The following OTUD7A variants were observed in gnomAD, a reference collection of about 807,000 sequenced individuals.
OTUD7A encodes OTU domain-containing protein 7A.
Under a neutral mutation model 65.7 loss-of-function variants are expected in OTUD7A, and 12 were observed. That is an observed-to-expected ratio of 0.18 (90% CI 0.12 to 0.30). The LOEUF (loss-of-function observed/expected upper bound fraction) is 0.30. Among genes scored for constraint, OTUD7A ranks in the 10% least tolerant of loss-of-function variants. The pLI, the probability that OTUD7A is intolerant of heterozygous loss-of-function variation, is 1.00. For missense variants in OTUD7A, 1,148 were observed against 1,304.8 expected, an observed-to-expected ratio of 0.88 and a Z score of 1.85; for synonymous variants, 641 against 586.3, an observed-to-expected ratio of 1.09 and a Z score of -1.35.
At chr15:31,844,668 A>T (rs1897258068) in intron 1 of OTUD7A, among the ~76,000 whole-genome samples, 1 of 152,298 alleles carries the variant, frequency 6.6e-6, no homozygotes, top group Non-Finnish European at 1.5e-5. Context: ...ATAGCCAGTA[A>T]CGTGTCCCTC....
chr15:31,549,135 C>CA (rs568463366), intron 5 of OTUD7A, among the ~76,000 whole-genome samples: 2,915 of 64,656 alleles, frequency 0.045, 78 homozygotes, highest in Non-Finnish European at 0.054. Flanking sequence ...GGCCTTGTCT[C>CA]AAAAAAAAAA....
intron 1 of OTUD7A, among the ~76,000 whole-genome samples, chr15:31,751,460 A>C (rs1259930158): frequency 6.6e-6 from 1 of 152,190 alleles, no homozygotes; most frequent in African/African-American, 2.4e-5. Context: ...TACACACTGC[A>C]TGTGGGAAAG....
chr15:31,506,558 G>C (rs1479820092), intron 8 of OTUD7A, among the ~76,000 whole-genome samples: 3 of 152,128 alleles, frequency 2.0e-5, no homozygotes, highest in African/African-American at 4.8e-5. Context: ...TGAAATGCTA[G>C]AGTGAAGGAC....
chr15:31,518,760 A>G (rs533692498), intron 8 of OTUD7A, among the ~76,000 whole-genome samples: 1 of 152,338 alleles, frequency 6.6e-6, no homozygotes, highest in Admixed American at 6.5e-5. Flanking sequence ...AGGGCCCTGC[A>G]CAGCAGAGCC....
In OTUD7A at chr15:31,487,238, T is replaced by C. The variant is rs1274925358; in HGVS notation, c.1327A>G (p.Ser443Gly). Residue 443 changes from serine to glycine, a missense_variant, in exon 12 of 13, where the codon AGC becomes GGC. This residue lies in a region of OTUD7A where 842 missense variants were observed against 769.5 expected (regional missense o/e 1.09). Coordinates refer to ENST00000307050, the MANE Select transcript of OTUD7A (RefSeq NM_001382637.1). The surrounding 1 kb of genome is among the most constrained non-coding windows in gnomAD (Gnocchi z 6.0). ...SLEAKLNLLH[S>G]YMNVTWIRIP... ...CGGATCCACGTCACGTTCATGTAGC[T>C]GTGCAGAAGGTTCAGCTTGGCTTCT... 4 of 1,614,066 alleles carry C rather than the reference T, an allele frequency of 2.5e-6. No homozygotes were observed. The African/African-American group carries it at 4.0e-5, about 16-fold the overall frequency.
At position 31,860,622 on chromosome 15, in the gene OTUD7A, G is replaced by GATAAATATACATATATAT. The variant is rs59869625; in HGVS notation, c.-100+9884_-100+9885insATATATATGTATATTTAT. Among the ~76,000 whole-genome samples the GATAAATATACATATATAT allele has an allele frequency of 2.3e-3, 62 of 26,860 alleles. 1 individual carries two copies. Among genetic ancestry groups the GATAAATATACATATATAT allele is most frequent in the Middle Eastern group, 0.016 (1 of 62 alleles). 17.6% of individuals were successfully genotyped at this position (26,860 alleles called of 152,430 possible). On this transcript the variant is annotated intron_variant, in intron 1 of 12. Coordinates refer to ENST00000307050, the MANE Select transcript of OTUD7A (RefSeq NM_001382637.1). ...TATTCTCCTCGACCCCAGAAGTGGA[G>GATAAATATACATATATAT]ATATATATATATATATATATATGTA...
intron 1 of OTUD7A, among the ~76,000 whole-genome samples, chr15:31,801,446 G>T (rs1487085298): frequency 1.3e-5 from 2 of 152,230 alleles, no homozygotes; most frequent in African/African-American, 4.8e-5. Flanking sequence ...GGTTTGCAGA[G>T]GCTCTGGGCA....
intron 1 of OTUD7A, among the ~76,000 whole-genome samples, chr15:31,769,910 T>C (rs898956083): frequency 6.6e-6 from 1 of 152,180 alleles, no homozygotes; most frequent in Non-Finnish European, 1.5e-5. Context: ...ATAAAATCTA[T>C]ATGTGTGTTA....
chr15:31,546,929 T>C (rs1888149854), intron 5 of OTUD7A, among the ~76,000 whole-genome samples: 1 of 152,270 alleles, frequency 6.6e-6, no homozygotes, highest in Non-Finnish European at 1.5e-5. Flanking sequence ...ACCTATGCTA[T>C]AAGAAGTCAC....
At chr15:31,514,271 G>A (rs898335609) in intron 8 of OTUD7A, among the ~76,000 whole-genome samples, 2 of 151,808 alleles carry the variant, frequency 1.3e-5, no homozygotes, top group African/African-American at 4.8e-5. Flanking sequence ...GGCTGGTCTC[G>A]AACTTCTGGG....
intron 1 of OTUD7A, among the ~76,000 whole-genome samples, chr15:31,678,993 A>T (rs1472393108): frequency 6.6e-6 from 1 of 152,238 alleles, no homozygotes; most frequent in Non-Finnish European, 1.5e-5. Context: ...ACAGGGATGG[A>T]GCTGCCCAAG....
intron 1 of OTUD7A, among the ~76,000 whole-genome samples, chr15:31,730,015 G>C (rs936991164): frequency 6.6e-6 from 1 of 152,086 alleles, no homozygotes; most frequent in Non-Finnish European, 1.5e-5. Flanking sequence ...AGCCCCCCAG[G>C]GTAATGTTAT....
Position 31,605,469 on chromosome 15 carries a change from C to T in OTUD7A, c.152-35272G>A, listed in dbSNP as rs117375025. ...CCCTGGGCCCTCTGGGGTGGGTGGA[C>T]GGCTGATTCTCCTTGGTGGCCTCTG... On this transcript the variant is annotated intron_variant, in intron 3 of 12. Coordinates refer to ENST00000307050, the MANE Select transcript of OTUD7A (RefSeq NM_001382637.1). Among the ~76,000 whole-genome samples, 300 of 152,250 alleles carry T rather than the reference C, an allele frequency of 2.0e-3. 5 individuals are homozygous for T. The East Asian group carries it at 0.038, about 19-fold the overall frequency.
intron 1 of OTUD7A, among the ~76,000 whole-genome samples, chr15:31,761,254 C>T (rs59516315): frequency 0.068 from 10,380 of 152,072 alleles, 833 homozygotes; most frequent in African/African-American, 0.2. Flanking sequence ...AGGCAACCTA[C>T]AGAATGGGAG....
chr15:31,639,950 C>G (rs1891462032), intron 3 of OTUD7A, among the ~76,000 whole-genome samples: 1 of 152,176 alleles, frequency 6.6e-6, no homozygotes, highest in South Asian at 2.1e-4. Context: ...TATTTTCTTC[C>G]AACTTGCAGT....
At chr15:31,740,839 G>A (rs1385172077) in intron 1 of OTUD7A, among the ~76,000 whole-genome samples, 2 of 152,140 alleles carry the variant, frequency 1.3e-5, no homozygotes, top group Non-Finnish European at 2.9e-5. Flanking sequence ...TAAAAGGATG[G>A]GTAAGAAATA....
At chr15:31,522,485 G>A (rs559585367) in intron 8 of OTUD7A, among the ~76,000 whole-genome samples, 64 of 152,304 alleles carry the variant, frequency 4.2e-4, no homozygotes, top group Middle Eastern at 3.4e-3. Flanking sequence ...CCATAATCAC[G>A]TGAGCCAATA....
chr15:31,526,327 G>A (rs1426202006), intron 8 of OTUD7A, 22 bp downstream of exon 8: 3 of 1,564,084 alleles, frequency 1.9e-6, no homozygotes. Flanking sequence ...TGACTTCTGG[G>A]GAGAGCAGGG....
chr15:31,522,571 T>C (rs1252870092), intron 8 of OTUD7A, among the ~76,000 whole-genome samples: 3 of 152,216 alleles, frequency 2.0e-5, no homozygotes, highest in Non-Finnish European at 2.9e-5. Context: ...ATTATCTAAT[T>C]CTCTGAATCT....
Sources: allele counts gnomAD v4.1 joint callset (sites outside exome capture counted in the v4.1 genomes callset), GRCh38; gene constraint gnomAD v4.1.1; regional missense constraint gnomAD v4.1.1; non-coding constraint Gnocchi (gnomAD v3.1); transcripts MANE v1.5; gene names NCBI Gene and HGNC (gene_info 2026-07-23, HGNC 2026-07-21).